Variants in KPNA4 observed in about 807,000 individuals in gnomAD.
The protein encoded by KPNA4 is importin subunit alpha-3.
KPNA4 carries 13 observed loss-of-function variants against 71.3 expected under a neutral mutation model. That is an observed-to-expected ratio of 0.18 (90% CI 0.12 to 0.29). The LOEUF is 0.29. KPNA4 is among the 10% of genes least tolerant of loss of function. The probability of loss-of-function intolerance (pLI) is 1.00; values close to 1 mark genes in which losing one functional copy is unlikely to be tolerated. For missense variants in KPNA4, 334 were observed against 603.2 expected, an observed-to-expected ratio of 0.55 and a Z score of 4.67; for synonymous variants, 189 against 195.2, an observed-to-expected ratio of 0.97 and a Z score of 0.26.
chr3:160,552,026 C>T (rs1394727234), intron 1 of KPNA4, among the ~76,000 whole-genome samples: 4 of 151,642 alleles, frequency 2.6e-5, no homozygotes, highest in African/African-American at 9.7e-5. Flanking sequence ...AGGACACTCC[C>T]CCATCCCCCA....
intron 10 of KPNA4, among the ~76,000 whole-genome samples, chr3:160,525,227 T>C (rs1721434964): frequency 2.0e-5 from 3 of 152,210 alleles, no homozygotes; most frequent in African/African-American, 7.2e-5. Context: ...TCAAGTTATC[T>C]TGATAAATGA....
intron 14 of KPNA4, among the ~76,000 whole-genome samples, chr3:160,508,660 T>C (rs2108543764): frequency 6.6e-6 from 1 of 151,994 alleles, no homozygotes; most frequent in Admixed American, 6.5e-5. Context: ...AGAGATGGGG[T>C]CTCACTATGT....
intron 1 of KPNA4, among the ~76,000 whole-genome samples, chr3:160,554,374 C>T (rs1030562686): frequency 6.6e-6 from 1 of 152,192 alleles, no homozygotes; most frequent in African/African-American, 2.4e-5. Context: ...CCCCCTTTTC[C>T]CTCTGTCCCA....
rs1457794747 is a variant in KPNA4, at chr3:160,497,955, TAAACAAAAAA to T, written c.*4139_*4148del. ...TATAACAATGTTACCCATTCCTTAG[TAAACAAAAAA>T]AATATCCAAAAAGCTACATTCACAT... On this transcript the variant is annotated 3_prime_UTR_variant, in exon 17 of 17. Transcript: ENST00000334256. 4 of 152,102 alleles carry T rather than the reference TAAACAAAAAA, an allele frequency of 2.6e-5. No homozygotes were observed. The highest frequency in any genetic ancestry group is 9.7e-5 in the African/African-American group (4 of 41,394). The allele number at this position is 152,102 out of a possible 1,614,324, so 9.4% of individuals were successfully genotyped here.
At chr3:160,561,917 T>C (rs532007676) in intron 1 of KPNA4, among the ~76,000 whole-genome samples, 1 of 152,170 alleles carries the variant, frequency 6.6e-6, no homozygotes, top group South Asian at 2.1e-4. Context: ...CATTACCTAT[T>C]AATCTTCACA....
chr3:160,564,053 A>T (rs1163365271), intron 1 of KPNA4, among the ~76,000 whole-genome samples: 1 of 152,222 alleles, frequency 6.6e-6, no homozygotes, highest in African/African-American at 2.4e-5. Flanking sequence ...TACCGAGAAC[A>T]ACATAAAAAA....
At position 160,509,792 on chromosome 3, in the gene KPNA4, C is replaced by G. The variant is rs753089953; in HGVS notation, c.1209+8G>C. On this transcript the variant is annotated splice_region_variant and intron_variant, in intron 14 of 16. Transcript: ENST00000334256. Reference sequence around the variant, plus strand: ...TTTGAGAAATAAATTTTAAAAAGCTCAACTTACTTGATCTTTCCTTCCACT... The same window carrying G: ...TTTGAGAAATAAATTTTAAAAAGCTGAACTTACTTGATCTTTCCTTCCACT... 6.4e-7 allele frequency: 1 copy of G among 1,564,534 alleles called. No individual in the cohort carries two copies. The highest frequency in any genetic ancestry group is 1.4e-5 in the African/African-American group (1 of 73,768).
At chr3:160,516,124 T>A (rs1031478816) in intron 11 of KPNA4, among the ~76,000 whole-genome samples, 1 of 152,076 alleles carries the variant, frequency 6.6e-6, no homozygotes, top group Admixed American at 6.5e-5. Flanking sequence ...GCAGCTGGGA[T>A]TACAGGCGCG....
At chr3:160,540,499 C>A (rs976581957) in intron 1 of KPNA4, among the ~76,000 whole-genome samples, 2 of 152,138 alleles carry the variant, frequency 1.3e-5, no homozygotes, top group Non-Finnish European at 2.9e-5. Context: ...CAAGGGTTTT[C>A]TTTTCCTCTC....
intron 11 of KPNA4, among the ~76,000 whole-genome samples, chr3:160,518,683 A>G (rs1721282899): frequency 6.6e-6 from 1 of 151,632 alleles, no homozygotes; most frequent in African/African-American, 2.4e-5. Context: ...AACACGGTGA[A>G]ACCCTATCTC....
chr3:160,507,499 CA>C (rs57528939), intron 15 of KPNA4, among the ~76,000 whole-genome samples: 4,354 of 49,510 alleles, frequency 0.088, 96 homozygotes, highest in African/African-American at 0.24. Context: ...GACACTGTCT[CA>C]AAAAAAAAAA....
intron 1 of KPNA4, among the ~76,000 whole-genome samples, chr3:160,544,798 AAT>A (rs1304277963): frequency 6.6e-6 from 1 of 150,988 alleles, no homozygotes; most frequent in Non-Finnish European, 1.5e-5. Context: ...AGATGAGAAA[AAT>A]AGTTTTTTTT....
intron 13 of KPNA4, among the ~76,000 whole-genome samples, chr3:160,510,092 T>C (rs1348197962): frequency 6.6e-6 from 1 of 152,120 alleles, no homozygotes; most frequent in East Asian, 1.9e-4. Context: ...ACAAACTGAG[T>C]TGATATTATT....
chr3:160,557,633 C>T (rs1032038637), intron 1 of KPNA4, among the ~76,000 whole-genome samples: 3 of 151,834 alleles, frequency 2.0e-5, no homozygotes, highest in African/African-American at 7.3e-5. Context: ...AAATTTTGTC[C>T]GAATAGTAAA....
chr3:160,563,625 T>C (rs1189833347), intron 1 of KPNA4, among the ~76,000 whole-genome samples: 2 of 152,252 alleles, frequency 1.3e-5, no homozygotes, highest in African/African-American at 2.4e-5. Flanking sequence ...CTGGATTCTG[T>C]AATTTTGTGG....
At chr3:160,525,916 A>ATT in intron 9 of KPNA4, 22 bp downstream of exon 9, 1 of 1,535,156 alleles carries the variant, frequency 6.5e-7, no homozygotes, top group Non-Finnish European at 8.7e-7. Flanking sequence ...ATCTCTTTTA[A>ATT]TTTTTTTTTA....
chr3:160,555,663 T>C (rs1722122355), intron 1 of KPNA4, among the ~76,000 whole-genome samples: 1 of 152,204 alleles, frequency 6.6e-6, no homozygotes, highest in African/African-American at 2.4e-5. Flanking sequence ...TAGTTTCTGA[T>C]CACAGTTGAC....
At position 160,499,525 on chromosome 3, in the gene KPNA4, C is replaced by T. The variant is rs1216071519; in HGVS notation, c.*2579G>A. Reference sequence around the variant, plus strand: ...TGTTTAACCAGGTAACCGTGATGAACTGTCAACTGTACTGAATCAATTTCA... The same window carrying T: ...TGTTTAACCAGGTAACCGTGATGAATTGTCAACTGTACTGAATCAATTTCA... On this transcript the variant is annotated 3_prime_UTR_variant, in exon 17 of 17. Coordinates refer to ENST00000334256, the MANE Select transcript of KPNA4 (RefSeq NM_002268.5). The T allele has an allele frequency of 6.7e-6, 1 of 150,198 alleles. No homozygotes were observed. The highest frequency in any genetic ancestry group is 1.5e-5 in the Non-Finnish European group (1 of 67,726). The allele number at this position is 150,198 out of a possible 1,614,324, so 9.3% of individuals were successfully genotyped here.
At chr3:160,524,132 T>C (rs62272793) in intron 10 of KPNA4, among the ~76,000 whole-genome samples, 7,925 of 152,226 alleles carry the variant, frequency 0.052, 259 homozygotes, top group Middle Eastern at 0.082. Context: ...TTGTTAATCA[T>C]GTTACTAAAA....
Sources: gnomAD v4.1 joint callset for allele counts (sites outside exome capture counted in the v4.1 genomes callset) on GRCh38, gnomAD v4.1.1 for gene constraint, MANE v1.5 for transcripts, NCBI Gene and HGNC (gene_info 2026-07-23, HGNC 2026-07-21) for gene names.